KPNA4: variants seen among roughly 807,000 people sequenced by gnomAD.
KPNA4 encodes importin subunit alpha-3.
A neutral mutation model predicts 71.3 loss-of-function variants in KPNA4; 13 were observed. That is an observed-to-expected ratio of 0.18 (90% CI 0.12 to 0.29). The LOEUF (loss-of-function observed/expected upper bound fraction) is 0.29. KPNA4 is among the 10% of genes least tolerant of loss of function. The probability of loss-of-function intolerance (pLI) is 1.00; values close to 1 mark genes in which losing one functional copy is unlikely to be tolerated. For missense variants in KPNA4, 334 were observed against 603.2 expected, an observed-to-expected ratio of 0.55 and a Z score of 4.67; for synonymous variants, 189 against 195.2, an observed-to-expected ratio of 0.97 and a Z score of 0.26.
At position 160,528,056 on chromosome 3, in the gene KPNA4, TAAC is replaced by T; in HGVS notation, c.470-20_470-18del. 2.5e-6 allele frequency: 4 copies of T among 1,589,834 alleles called. No homozygotes were observed. Among genetic ancestry groups the T allele is most frequent in the Non-Finnish European group, 3.4e-6 (4 of 1,159,944 alleles). On this transcript the variant is annotated intron_variant, in intron 7 of 16. Coordinates refer to ENST00000334256, the MANE Select transcript of KPNA4 (RefSeq NM_002268.5). ...GCACAGCATCTGATGGAAGAAAAAA[TAAC>T]AATACTTAAGGTTGAAGATACCATA...
intron 1 of KPNA4, among the ~76,000 whole-genome samples, chr3:160,557,096 T>C (rs1373233618): frequency 1.3e-5 from 2 of 152,148 alleles, no homozygotes; most frequent in Admixed American, 1.3e-4. Context: ...TGGAGAATAT[T>C]TGGGTTTCAC....
At chr3:160,531,070 TA>T (rs1444202391) in intron 6 of KPNA4, 130 bp from the exon 7 acceptor site, 2 of 652,500 alleles carry the variant, frequency 3.1e-6, no homozygotes, top group African/African-American at 3.7e-5. Context: ...CCATCCAGCA[TA>T]TTTTTTTAAC....
At chr3:160,504,512 A>T (rs531683702) in intron 16 of KPNA4, among the ~76,000 whole-genome samples, 1 of 152,284 alleles carries the variant, frequency 6.6e-6, no homozygotes, top group South Asian at 2.1e-4. Context: ...ATAGTGCCTT[A>T]CCTTTTTATT....
rs1721447442 is a variant in KPNA4, at chr3:160,525,852, G to C, written c.727-8C>G. ...ACAAAGGGCTGGAAGAATCTGAGGAGAGAAATATGTAGATTTAAAAACATA... is the reference window on the plus strand; with the variant it reads ...ACAAAGGGCTGGAAGAATCTGAGGACAGAAATATGTAGATTTAAAAACATA... On this transcript the variant is annotated splice_polypyrimidine_tract_variant and splice_region_variant and intron_variant, in intron 9 of 16. Transcript: ENST00000334256. 6.4e-7 allele frequency: 1 copy of C among 1,559,244 alleles called. No individual in the cohort carries two copies. Among genetic ancestry groups the C allele is most frequent in the Non-Finnish European group, 8.7e-7 (1 of 1,153,930 alleles).
chr3:160,509,748 G>T, intron 14 of KPNA4, 52 bp downstream of exon 14: 1 of 1,135,826 alleles, frequency 8.8e-7, no homozygotes, highest in African/African-American at 1.5e-5. Context: ...AATATTACCT[G>T]TACTTTTATT....
intron 2 of KPNA4, among the ~76,000 whole-genome samples, chr3:160,536,544 G>C (rs1721697977): frequency 6.6e-6 from 1 of 151,996 alleles, no homozygotes; most frequent in Admixed American, 6.5e-5. Flanking sequence ...TTTGCATAAT[G>C]AACAAGTAAC....
intron 1 of KPNA4, among the ~76,000 whole-genome samples, chr3:160,537,440 G>A (rs1318136023): frequency 1.3e-5 from 2 of 151,348 alleles, no homozygotes. Context: ...AATTTTCTAT[G>A]GCACACCATG....
intron 8 of KPNA4, 145 bp downstream of exon 8, chr3:160,527,808 T>G: frequency 1.9e-6 from 1 of 531,162 alleles, no homozygotes; most frequent in South Asian, 2.8e-5. Context: ...GCTTTTACAG[T>G]AATACAGTTC....
intron 1 of KPNA4, among the ~76,000 whole-genome samples, chr3:160,543,806 A>T (rs1249428794): frequency 6.6e-6 from 1 of 152,048 alleles, no homozygotes; most frequent in Middle Eastern, 3.2e-3. Context: ...CATATCTTGC[A>T]CTTCTCTTGC....
intron 4 of KPNA4, 39 bp from the exon 5 acceptor site, chr3:160,535,604 C>T (rs374588259): frequency 4.1e-5 from 65 of 1,583,930 alleles, no homozygotes; most frequent in South Asian, 4.0e-4. Flanking sequence ...AAATATATCA[C>T]GATTAGCTGT....
chr3:160,502,854 T>C (rs1577043607), intron 16 of KPNA4, among the ~76,000 whole-genome samples: 1 of 152,264 alleles, frequency 6.6e-6, no homozygotes, highest in East Asian at 1.9e-4. Context: ...CTCATGCCTG[T>C]AATCCCAGCA....
At chr3:160,522,249 T>C (rs1721363813) in intron 10 of KPNA4, among the ~76,000 whole-genome samples, 2 of 152,236 alleles carry the variant, frequency 1.3e-5, no homozygotes, top group African/African-American at 2.4e-5. Flanking sequence ...AAAAACATTG[T>C]GGCTCATGTA....
intron 1 of KPNA4, among the ~76,000 whole-genome samples, chr3:160,560,262 TC>T (rs1722216545): frequency 6.6e-6 from 1 of 152,082 alleles, no homozygotes; most frequent in Admixed American, 6.6e-5. Context: ...TCTTATTAAA[TC>T]AAAAGCACAA....
Position 160,565,504 on chromosome 3 carries a change from T to A in KPNA4, c.-222A>T. 2.2e-6 allele frequency: 1 copy of A among 457,844 alleles called. No individual in the cohort carries two copies. Among genetic ancestry groups the A allele is most frequent in the Non-Finnish European group, 3.9e-6 (1 of 255,780 alleles). The allele number at this position is 457,844 out of a possible 1,614,324, so 28.4% of individuals were successfully genotyped here. Reference sequence around the variant, plus strand: ...CGACTGCAGCTCCGGCAAAGACAACTGTGGGGCCGGGCGGCGGCAAGGCGA... The same window carrying A: ...CGACTGCAGCTCCGGCAAAGACAACAGTGGGGCCGGGCGGCGGCAAGGCGA... On this transcript the variant is annotated 5_prime_UTR_variant, in exon 1 of 17. Transcript: ENST00000334256.
chr3:160,536,732 T>TG (rs1721701857), intron 2 of KPNA4, 64 bp downstream of exon 2: 1 of 852,876 alleles, frequency 1.2e-6, no homozygotes, highest in Admixed American at 2.5e-5. Context: ...TTTGGCATCT[T>TG]GTATATAATG....
chr3:160,551,640 A>C (rs1410271634), intron 1 of KPNA4, among the ~76,000 whole-genome samples: 1 of 152,214 alleles, frequency 6.6e-6, no homozygotes, highest in African/African-American at 2.4e-5. Context: ...TAAAAAGGTA[A>C]GAATTAATTT....
intron 1 of KPNA4, among the ~76,000 whole-genome samples, chr3:160,556,526 T>C (rs985874103): frequency 3.9e-5 from 6 of 152,208 alleles, no homozygotes; most frequent in Admixed American, 1.3e-4. Flanking sequence ...CATCATTGAG[T>C]ATCCCTTATG....
At chr3:160,535,111 T>C (rs553918582) in intron 5 of KPNA4, among the ~76,000 whole-genome samples, 4 of 152,290 alleles carry the variant, frequency 2.6e-5, no homozygotes, top group East Asian at 1.9e-4. Flanking sequence ...AATATGAGGA[T>C]TGTGAGAAGA....
intron 1 of KPNA4, among the ~76,000 whole-genome samples, chr3:160,555,003 G>A (rs542057614): frequency 1.3e-5 from 2 of 152,386 alleles, no homozygotes; most frequent in African/African-American, 4.8e-5. Context: ...GTCAGAGGCA[G>A]AAGACATAAC....
Sources: gnomAD v4.1 joint callset for allele counts (sites outside exome capture counted in the v4.1 genomes callset) on GRCh38, gnomAD v4.1.1 for gene constraint, MANE v1.5 for transcripts, NCBI Gene and HGNC (gene_info 2026-07-23, HGNC 2026-07-21) for gene names.